Variants in MEI4 observed in about 807,000 individuals in gnomAD.
The protein encoded by MEI4 is meiotic double-stranded break formation protein 4, also known as meiosis-specific protein MEI4.
Under a neutral mutation model 31.4 loss-of-function variants are expected in MEI4, and 27 were observed. That is an observed-to-expected ratio of 0.86 (90% CI 0.63 to 1.19). The LOEUF is 1.19. MEI4 is among the 50% of genes most tolerant of loss of function. MEI4 has a pLI of 0.00. For missense variants in MEI4, 329 were observed against 398.9 expected (o/e 0.82, Z 1.49); for synonymous variants, 122 against 145.4 (o/e 0.84, Z 1.16).
chr6:77,660,719 A>G (rs954907483), intron 1 of MEI4, among the ~76,000 whole-genome samples: 6 of 152,158 alleles, frequency 3.9e-5, no homozygotes, highest in Admixed American at 1.3e-4. Flanking sequence ...AGGGGAGAGT[A>G]CTTGCAACTT....
intron 1 of MEI4, among the ~76,000 whole-genome samples, chr6:77,670,707 C>T (rs1007014890): frequency 6.6e-6 from 1 of 152,126 alleles, no homozygotes; most frequent in Non-Finnish European, 1.5e-5. Context: ...CTCAAAAAGT[C>T]AACTAACTGA....
chr6:77,760,300 T>C (rs1293766457), intron 2 of MEI4, among the ~76,000 whole-genome samples: 1 of 152,076 alleles, frequency 6.6e-6, no homozygotes, highest in Non-Finnish European at 1.5e-5. Context: ...TATATTTATA[T>C]TTGTATATCA....
chr6:77,842,586 G>A (rs140598160), intron 4 of MEI4, among the ~76,000 whole-genome samples: 363 of 152,196 alleles, frequency 2.4e-3, no homozygotes, highest in African/African-American at 8.3e-3. Flanking sequence ...AACTGCAGGT[G>A]TTATCCTTTT....
chr6:77,793,327 AAG>A (rs1768989509), intron 3 of MEI4, among the ~76,000 whole-genome samples: 1 of 152,234 alleles, frequency 6.6e-6, no homozygotes, highest in Non-Finnish European at 1.5e-5. Context: ...ATGAGAGATA[AAG>A]AGAGTCCCAA....
At chr6:77,682,697 C>G (rs2446234) in intron 1 of MEI4, among the ~76,000 whole-genome samples, 123,317 of 152,114 alleles carry the variant, frequency 0.81, 50,240 homozygotes, top group East Asian at 0.95. Context: ...TTACTCACTA[C>G]TATTTAGTTG....
chr6:77,666,587 G>C (rs1030409696), intron 1 of MEI4, among the ~76,000 whole-genome samples: 4 of 152,172 alleles, frequency 2.6e-5, no homozygotes, highest in African/African-American at 9.7e-5. Context: ...TTACAGATGA[G>C]TAAACTGAGG....
At chr6:77,672,299 C>T (rs9361260) in intron 1 of MEI4, among the ~76,000 whole-genome samples, 57,007 of 151,972 alleles carry the variant, frequency 0.38, 10,932 homozygotes, top group African/African-American at 0.42. Flanking sequence ...TAGCAGTTAT[C>T]GCTGTGTCAA....
At position 77,851,748 on chromosome 6, in the gene MEI4, G is replaced by A. The variant is rs62425068; in HGVS notation, c.900+22686G>A. On this transcript the variant is annotated intron_variant, in intron 4 of 4. Coordinates refer to ENST00000684080, the MANE Select transcript of MEI4 (RefSeq NM_001322247.2). ...GTATACATATGTAGCAAACCTGAAC[G>A]TTGTGCACATGTACCCTAGAACTTA... is the stretch of plus-strand genomic sequence containing the variant. 2.8e-3 allele frequency among the ~76,000 whole-genome samples: 426 copies of A among 151,840 alleles called. 3 individuals are homozygous for A. The highest frequency in any genetic ancestry group is 2.8e-3 in the Admixed American group (42 of 15,246).
intron 3 of MEI4, among the ~76,000 whole-genome samples, chr6:77,803,769 G>A (rs1311196441): frequency 6.6e-6 from 1 of 152,242 alleles, no homozygotes; most frequent in Non-Finnish European, 1.5e-5. Flanking sequence ...TATCAGCAGC[G>A]GAGTCTGCAG....
chr6:77,666,880 T>C (rs2504276), intron 1 of MEI4, among the ~76,000 whole-genome samples: 3,747 of 147,536 alleles, frequency 0.025, 94 homozygotes, highest in African/African-American at 0.061. Flanking sequence ...TGTGTGTGTG[T>C]GTGCGTGCGT....
At chr6:77,728,266 T>G (rs1315064347) in intron 2 of MEI4, among the ~76,000 whole-genome samples, 1 of 152,196 alleles carries the variant, frequency 6.6e-6, no homozygotes, top group African/African-American at 2.4e-5. Context: ...TACACTAGCT[T>G]AGTTCTAAAG....
At chr6:77,792,717 ATT>A (rs1202853502) in intron 3 of MEI4, among the ~76,000 whole-genome samples, 10 of 140,504 alleles carry the variant, frequency 7.1e-5, no homozygotes, top group South Asian at 2.3e-4. Context: ...TCCCAACACT[ATT>A]TTTTTTTTTT....
intron 4 of MEI4, among the ~76,000 whole-genome samples, chr6:77,883,717 G>GATATATATATATATATATAT (rs570185624): frequency 0.032 from 1,373 of 42,780 alleles, 40 homozygotes; most frequent in Non-Finnish European, 0.039. Context: ...TATTATGTAA[G>GATATATATATATATATATAT]ATATATATAT....
chr6:77,830,388 C>A (rs185800153), intron 4 of MEI4, among the ~76,000 whole-genome samples: 6 of 152,078 alleles, frequency 3.9e-5, no homozygotes, highest in African/African-American at 1.4e-4. Context: ...ATTTAATATT[C>A]GCAATAGCTC....
intron 2 of MEI4, among the ~76,000 whole-genome samples, chr6:77,698,320 C>T (rs1389723894): frequency 6.6e-6 from 1 of 152,162 alleles, no homozygotes; most frequent in African/African-American, 2.4e-5. Flanking sequence ...ATGATGTTCT[C>T]TGGTTATTTT....
chr6:77,810,795 A>G (rs549464246), intron 3 of MEI4, among the ~76,000 whole-genome samples: 1 of 152,312 alleles, frequency 6.6e-6, no homozygotes, highest in Non-Finnish European at 1.5e-5. Flanking sequence ...TCAGGCATAA[A>G]ACAGCAGTAT....
chr6:77,923,951 TA>T lies in MEI4; in HGVS notation c.*607del, dbSNP rs372469853. 7.7e-5 allele frequency: 1 copy of T among 12,932 alleles called. No individual in the cohort carries two copies. The highest frequency in any genetic ancestry group is 1.2e-4 in the Non-Finnish European group (1 of 8,060). 0.8% of individuals were successfully genotyped at this position (12,932 alleles called of 1,614,324 possible). ...TGTCGAGCTCTTTTGAAAATACTAT[TA>T]ATTAGTTGTTTAAAATGTTCTTTGT... On this transcript the variant is annotated 3_prime_UTR_variant, in exon 5 of 5. Coordinates refer to ENST00000684080, the MANE Select transcript of MEI4 (RefSeq NM_001322247.2).
intron 2 of MEI4, among the ~76,000 whole-genome samples, chr6:77,693,998 T>C (rs535019734): frequency 1.1e-4 from 16 of 152,154 alleles, no homozygotes; most frequent in Non-Finnish European, 2.2e-4. Context: ...CAACTATTCA[T>C]TGAAGCAACT....
intron 2 of MEI4, among the ~76,000 whole-genome samples, chr6:77,755,746 GC>G (rs1486577355): frequency 1.3e-5 from 2 of 151,740 alleles, no homozygotes; most frequent in East Asian, 3.9e-4. Context: ...GCATACTTTA[GC>G]ATAATTTAGA....
Sources: allele counts gnomAD v4.1 joint callset (sites outside exome capture counted in the v4.1 genomes callset), GRCh38; gene constraint gnomAD v4.1.1; transcripts MANE v1.5; gene names NCBI Gene and HGNC (gene_info 2026-07-23, HGNC 2026-07-21).